The following WDPCP variants were observed in gnomAD, a reference collection of about 807,000 sequenced individuals.
WDPCP encodes the protein WD repeat containing planar cell polarity effector.
Under a neutral mutation model 93.1 loss-of-function variants are expected in WDPCP, and 71 were observed. The ratio of observed to expected loss-of-function variants is 0.76; its 90% confidence interval spans 0.63 to 0.93. WDPCP has a LOEUF of 0.93. Ranked by LOEUF, WDPCP falls within the 40% of genes least tolerant of loss-of-function variation. The pLI is 0.00. For synonymous variants in WDPCP, 315 were observed against 315.0 expected (o/e 1.00, Z 0.00); for missense variants, 844 against 887.4 (o/e 0.95, Z 0.62).
chr2:63,723,793 C>T (rs1209293118), intron 2 of WDPCP, among the ~76,000 whole-genome samples: 2 of 151,984 alleles, frequency 1.3e-5, no homozygotes, highest in Non-Finnish European at 2.9e-5. Context: ...ATGACATTCT[C>T]ATTTTGAAAA....
chr2:63,517,807 T>A (rs1439641415), intron 1 of WDPCP: 3 of 152,226 alleles, frequency 2.0e-5, no homozygotes, highest in Non-Finnish European at 4.4e-5. Flanking sequence ...TACTTCAATC[T>A]GTAGTTAGAT....
chr2:63,605,361 C>T, intron 3 of WDPCP: 1 of 1,614,112 alleles, frequency 6.2e-7, no homozygotes, highest in Non-Finnish European at 8.5e-7. Context: ...CATCTGTGAC[C>T]ACGTCAGGGA....
intron 14 of WDPCP, among the ~76,000 whole-genome samples, chr2:63,244,737 C>G (rs906949900): frequency 6.6e-6 from 1 of 152,102 alleles, no homozygotes; most frequent in Non-Finnish European, 1.5e-5. Flanking sequence ...ATAAGTCCAG[C>G]TATTTCTGAG....
intron 3 of WDPCP, chr2:63,598,098 A>G (rs1012507242): frequency 3.3e-5 from 5 of 152,004 alleles, no homozygotes; most frequent in African/African-American, 7.2e-5. Context: ...ATATGTCTTA[A>G]TATTACAGTA....
chr2:63,589,386 T>C (rs1287521512), upstream of WDPCP: 1 of 1,550,394 alleles, frequency 6.4e-7, no homozygotes, highest in Admixed American at 2.0e-5. Context: ...GACGATAAGG[T>C]TTGCGATGGG....
At chr2:63,434,234 A>G (rs1696979408) in intron 8 of WDPCP, among the ~76,000 whole-genome samples, 1 of 152,200 alleles carries the variant, frequency 6.6e-6, no homozygotes, top group South Asian at 2.1e-4. Context: ...TGGTTGCCTG[A>G]CAGCATCGAC....
chr2:63,417,683 G>A (rs1223515045), intron 9 of WDPCP, among the ~76,000 whole-genome samples: 1 of 149,554 alleles, frequency 6.7e-6, no homozygotes, highest in Non-Finnish European at 1.5e-5. Flanking sequence ...CAGACCCTTG[G>A]TGCAAAAGTT....
At chr2:63,638,364 G>A (rs1202867284) in intron 3 of WDPCP, among the ~76,000 whole-genome samples, 1 of 151,994 alleles carries the variant, frequency 6.6e-6, no homozygotes. Context: ...AGGTATCTAT[G>A]TGAGGCGATG....
chr2:63,595,111 A>G (rs1709280245), intron 3 of WDPCP: 9 of 391,258 alleles, frequency 2.3e-5, no homozygotes, highest in South Asian at 2.0e-4. Context: ...AACTGAAATC[A>G]AATATACAGC....
chr2:63,525,300 C>T (rs1219046577), intron 1 of WDPCP, among the ~76,000 whole-genome samples: 1 of 152,112 alleles, frequency 6.6e-6, no homozygotes, highest in Non-Finnish European at 1.5e-5. Flanking sequence ...GGGTACTATA[C>T]TTATTTCCTG....
chr2:63,816,262 A>G (rs988419981), intron 1 of WDPCP, among the ~76,000 whole-genome samples: 1 of 152,222 alleles, frequency 6.6e-6, no homozygotes, highest in African/African-American at 2.4e-5. Context: ...GGCTTTATTT[A>G]TAATAACAAC....
intron 1 of WDPCP, among the ~76,000 whole-genome samples, chr2:63,549,055 C>G (rs1293506645): frequency 5.3e-5 from 8 of 151,782 alleles, no homozygotes; most frequent in Admixed American, 5.3e-4. Context: ...TCAAGACCAT[C>G]CTGGCCAACA....
intron 6 of WDPCP, among the ~76,000 whole-genome samples, chr2:63,448,963 T>C (rs1018663281): frequency 6.6e-6 from 1 of 152,110 alleles, no homozygotes; most frequent in Non-Finnish European, 1.5e-5. Flanking sequence ...AAGTTAATAA[T>C]AATGTGTTGT....
intron 2 of WDPCP, among the ~76,000 whole-genome samples, chr2:63,733,073 A>G (rs913980115): frequency 1.3e-5 from 2 of 152,314 alleles, no homozygotes; most frequent in East Asian, 3.9e-4. Context: ...ATGAACAACT[A>G]TAAATGGGTA....
At chr2:63,792,895 C>T in intron 2 of WDPCP, among the ~76,000 whole-genome samples, 1 of 151,290 alleles carries the variant, frequency 6.6e-6, no homozygotes, top group East Asian at 1.9e-4. Context: ...TCATGAATAA[C>T]ATCATAGATT....
chr2:63,477,052 T>C (rs952084613), intron 6 of WDPCP, among the ~76,000 whole-genome samples: 1 of 152,194 alleles, frequency 6.6e-6, no homozygotes, highest in African/African-American at 2.4e-5. Context: ...TAAATTTACA[T>C]GCACAATTCA....
At chr2:63,522,455 G>GACAC (rs112008719) in intron 1 of WDPCP, among the ~76,000 whole-genome samples, 22,186 of 127,048 alleles carry the variant, frequency 0.17, 2,426 homozygotes, top group African/African-American at 0.32. Context: ...CAGACAGACA[G>GACAC]ACACACACAC....
At chr2:63,158,530 T>C (rs1432975593) in intron 15 of WDPCP, among the ~76,000 whole-genome samples, 1 of 152,170 alleles carries the variant, frequency 6.6e-6, no homozygotes, top group Non-Finnish European at 1.5e-5. Flanking sequence ...TCAAGAACTT[T>C]TAGTAATTCT....
chr2:63,145,397 C>A (rs1487034026), intron 17 of WDPCP, among the ~76,000 whole-genome samples: 1 of 152,084 alleles, frequency 6.6e-6, no homozygotes, highest in African/African-American at 2.4e-5. Flanking sequence ...CTAGGCATGT[C>A]TGAGCTCAGA....
Sources: allele counts gnomAD v4.1 joint callset (sites outside exome capture counted in the v4.1 genomes callset), GRCh38; gene constraint gnomAD v4.1.1; transcripts MANE v1.5; gene names NCBI Gene and HGNC (gene_info 2026-07-23, HGNC 2026-07-21).